LY75: variants seen among roughly 807,000 people sequenced by gnomAD.
LY75 encodes the protein C-type lectin domain family 13 member B.
A neutral mutation model predicts 231.7 loss-of-function variants in LY75; 185 were observed. That is an observed-to-expected ratio of 0.80 (90% CI 0.71 to 0.90). The LOEUF is 0.90. LY75 is among the 40% of genes least tolerant of loss of function. LY75 has a pLI of 0.00. For synonymous variants in LY75, 668 were observed against 689.0 expected (o/e 0.97, Z 0.48); for missense variants, 1,947 against 2,050.2 (o/e 0.95, Z 0.97).
In LY75 at chr2:159,819,712, T is replaced by C; in HGVS notation, c.4153+14A>G. The C allele has an allele frequency of 6.3e-7, 1 of 1,585,116 alleles. No homozygotes were observed. The highest frequency in any genetic ancestry group is 1.9e-4 in the Middle Eastern group (1 of 5,226). On this transcript the variant is annotated intron_variant, in intron 29 of 34. Coordinates refer to ENST00000263636, the MANE Select transcript of LY75 (RefSeq NM_002349.4). Reference sequence around the variant, plus strand: ...CCTGGAGTGAAAGAAAACTCTATATTTTACTATACTTACCCATTTCAATTT... The same window carrying C: ...CCTGGAGTGAAAGAAAACTCTATATCTTACTATACTTACCCATTTCAATTT...
intron 16 of LY75, among the ~76,000 whole-genome samples, chr2:159,856,907 A>T (rs976458747): frequency 3.3e-5 from 5 of 152,114 alleles, no homozygotes; most frequent in Admixed American, 6.6e-5. Context: ...CCACTGCTCA[A>T]ACAGGAGGTG....
At chr2:159,834,333 G>T in intron 26 of LY75, 122 bp from the exon 27 acceptor site, 1 of 1,280,132 alleles carries the variant, frequency 7.8e-7, no homozygotes, top group Non-Finnish European at 1.1e-6. Flanking sequence ...TCCTGGTGAA[G>T]CCTGTCTCTG....
chr2:159,889,409 T>C (rs1218123049), intron 4 of LY75, among the ~76,000 whole-genome samples: 4 of 152,066 alleles, frequency 2.6e-5, no homozygotes, highest in African/African-American at 9.7e-5. Flanking sequence ...AATTTTTTTT[T>C]TTGTAGAGAC....
chr2:159,869,249 G>A (rs545776519), intron 13 of LY75, among the ~76,000 whole-genome samples: 2 of 151,422 alleles, frequency 1.3e-5, no homozygotes, highest in African/African-American at 2.4e-5. Context: ...GTATACATAC[G>A]TAACAAACCA....
chr2:159,899,563 T>C (rs150440926), intron 1 of LY75, among the ~76,000 whole-genome samples: 115 of 152,334 alleles, frequency 7.5e-4, no homozygotes, highest in African/African-American at 2.6e-3. Context: ...AATTATTACA[T>C]GAAAAGTCGA....
At chr2:159,890,460 C>G in intron 3 of LY75, 83 bp from the exon 4 acceptor site, 2 of 1,575,440 alleles carry the variant, frequency 1.3e-6, no homozygotes, top group South Asian at 1.1e-5. Flanking sequence ...TACTGCAAGT[C>G]AATTTGCATA....
intron 25 of LY75, among the ~76,000 whole-genome samples, chr2:159,839,287 C>T (rs1252392326): frequency 6.6e-6 from 1 of 152,058 alleles, no homozygotes; most frequent in Non-Finnish European, 1.5e-5. Flanking sequence ...TGGGATATAC[C>T]ATGGCTGAGA....
At chr2:159,872,386 T>C in intron 13 of LY75, 65 bp downstream of exon 13, 1 of 1,564,732 alleles carries the variant, frequency 6.4e-7, no homozygotes, top group Non-Finnish European at 8.7e-7. Context: ...GGTAAGAACA[T>C]GTCAATTTTG....
At chr2:159,875,062 A>T (rs1266207417) in intron 12 of LY75, among the ~76,000 whole-genome samples, 2 of 148,052 alleles carry the variant, frequency 1.4e-5, no homozygotes, top group Non-Finnish European at 3.0e-5. Flanking sequence ...ATGTTTGTAA[A>T]AGTGTAAATA....
chr2:159,857,863 A>T (rs1684592376), intron 16 of LY75, among the ~76,000 whole-genome samples: 1 of 152,178 alleles, frequency 6.6e-6, no homozygotes, highest in African/African-American at 2.4e-5. Context: ...TCTGTTATCA[A>T]AGGCTATACT....
At chr2:159,885,495 G>A (rs932917400) in intron 5 of LY75, among the ~76,000 whole-genome samples, 1 of 152,028 alleles carries the variant, frequency 6.6e-6, no homozygotes, top group African/African-American at 2.4e-5. Flanking sequence ...AGAATCTAAA[G>A]GGAAAACATC....
chr2:159,844,967 G>C (rs533176333), intron 23 of LY75, among the ~76,000 whole-genome samples: 1 of 151,976 alleles, frequency 6.6e-6, no homozygotes, highest in South Asian at 2.1e-4. Flanking sequence ...CCACTTGTAC[G>C]TTAGAACATG....
At chr2:159,839,224 G>C (rs758996179) in intron 25 of LY75, among the ~76,000 whole-genome samples, 1 of 152,166 alleles carries the variant, frequency 6.6e-6, no homozygotes, top group Non-Finnish European at 1.5e-5. Flanking sequence ...GTTCAATTCT[G>C]AGTCTTCAAT....
chr2:159,893,503 G>A (rs1301182051), intron 3 of LY75, among the ~76,000 whole-genome samples: 1 of 152,082 alleles, frequency 6.6e-6, no homozygotes, highest in African/African-American at 2.4e-5. Flanking sequence ...TTTGTCCTTT[G>A]CCAACTGTCT....
intron 3 of LY75, among the ~76,000 whole-genome samples, chr2:159,892,318 G>A (rs895736688): frequency 6.6e-6 from 1 of 152,188 alleles, no homozygotes; most frequent in African/African-American, 2.4e-5. Flanking sequence ...TACTCAATGA[G>A]TCAGCCTAGT....
At chr2:159,835,709 C>T in intron 25 of LY75, 64 bp from the exon 26 acceptor site, 1 of 1,563,054 alleles carries the variant, frequency 6.4e-7, no homozygotes, top group South Asian at 1.3e-5. Flanking sequence ...ATTATTTTGA[C>T]TCCCATGGTC....
rs1459366172 is a variant in LY75 at position 159,815,429 on chromosome 2, C to T, written c.4525G>A (p.Ala1509Thr). ...CATTTTGTAGGTTTATAACAAATAG[C>T]ACCATCCTTAACAGAGTTGCATTTT... The part of the protein sequence containing the change: ...HEKCNSVKDG[A>T]ICYKPTKSKK... Residue 1509 changes from alanine to threonine, a missense_variant, in exon 31 of 35, where the codon GCT (alanine) becomes ACT (threonine). Physicochemically the swap from Ala to Thr is moderately conservative, Grantham distance 58. Transcript: ENST00000263636. 2 of 1,608,116 alleles carry T rather than the reference C, an allele frequency of 1.2e-6. No homozygotes were observed. The highest frequency in any genetic ancestry group is 1.7e-6 in the Non-Finnish European group (2 of 1,178,572).
Position 159,875,651 on chromosome 2 carries a change from T to C in LY75, c.1775-8A>G. On this transcript the variant is annotated splice_region_variant and splice_polypyrimidine_tract_variant and intron_variant, in intron 11 of 34. Coordinates refer to ENST00000263636, the MANE Select transcript of LY75 (RefSeq NM_002349.4). ...CGCAGCCGCCCGGGGAAGCTGGGAT[T>C]GAAGTGGAAAGCTCAATTAAAAATT... 6.2e-7 allele frequency: 1 copy of C among 1,613,264 alleles called. No homozygotes were observed. The highest frequency in any genetic ancestry group is 1.1e-5 in the South Asian group (1 of 90,962).
chr2:159,877,370 C>G (rs893130439), intron 11 of LY75, among the ~76,000 whole-genome samples: 3 of 152,172 alleles, frequency 2.0e-5, no homozygotes, highest in African/African-American at 7.2e-5. Flanking sequence ...CTGTCTTATT[C>G]AAAGCCACTG....
Sources: gnomAD v4.1 joint callset for allele counts (sites outside exome capture counted in the v4.1 genomes callset) on GRCh38, gnomAD v4.1.1 for gene constraint, MANE v1.5 for transcripts, NCBI Gene and HGNC (gene_info 2026-07-23, HGNC 2026-07-21) for gene names.